KCNMB2: variants seen among roughly 807,000 people sequenced by gnomAD.
KCNMB2 encodes the protein potassium calcium-activated channel subfamily M regulatory beta subunit 2.
KCNMB2 carries 9 observed loss-of-function variants against 24.5 expected under a neutral mutation model. The ratio of observed to expected loss-of-function variants is 0.37; its 90% CI spans 0.22 to 0.64. KCNMB2 has a LOEUF of 0.64. Ranked by LOEUF, KCNMB2 falls within the 30% of genes least tolerant of loss-of-function variation. The pLI is 0.63. For synonymous variants in KCNMB2, 109 were observed against 104.4 expected (o/e 1.04, Z -0.27); for missense variants, 226 against 284.3 (o/e 0.79, Z 1.47).
At position 178,663,276 on chromosome 3, in the gene KCNMB2, CA is replaced by C. The variant is rs370821512; in HGVS notation, c.-68+126567del. On this transcript the variant is annotated intron_variant, in intron 1 of 4. Transcript: ENST00000452583. ...TAGGGTTAATGTGGAGAGAGCTCAACAAGGGTATACATACAATAGGCATGAT... is the reference window on the plus strand; with the variant it reads ...TAGGGTTAATGTGGAGAGAGCTCAACAGGGTATACATACAATAGGCATGAT... 2.6e-4 allele frequency among the ~76,000 whole-genome samples: 39 copies of C among 152,196 alleles called. 1 individual carries two copies. In the South Asian group the frequency reaches 7.9e-3, roughly 31 times the overall value.
intron 2 of KCNMB2, among the ~76,000 whole-genome samples, chr3:178,815,083 T>C (rs898300426): frequency 2.0e-5 from 3 of 152,294 alleles, no homozygotes; most frequent in African/African-American, 7.2e-5. Flanking sequence ...AAAAAGGCAA[T>C]TGACTATTGC....
chr3:178,778,300 T>C (rs953967797), intron 1 of KCNMB2, among the ~76,000 whole-genome samples: 1 of 152,142 alleles, frequency 6.6e-6, no homozygotes, highest in Non-Finnish European at 1.5e-5. Flanking sequence ...GAATTCCTAC[T>C]ATGTACCAAT....
intron 1 of KCNMB2, chr3:178,795,058 T>C (rs1465848061): frequency 6.6e-6 from 1 of 152,210 alleles, no homozygotes; most frequent in Admixed American, 6.5e-5. Flanking sequence ...CCTGAACTGA[T>C]TACATATTTG....
intron 1 of KCNMB2, among the ~76,000 whole-genome samples, chr3:178,758,165 G>GAT (rs375000460): frequency 0.056 from 210 of 3,774 alleles, 50 homozygotes; most frequent in African/African-American, 0.15. Flanking sequence ...TATCCAAGAG[G>GAT]ATATATATAT....
chr3:178,771,222 T>C (rs150933100), intron 1 of KCNMB2, among the ~76,000 whole-genome samples: 4 of 152,178 alleles, frequency 2.6e-5, no homozygotes, highest in African/African-American at 4.8e-5. Context: ...CACAAGCCCA[T>C]CATCTCTGTC....
intron 1 of KCNMB2, among the ~76,000 whole-genome samples, chr3:178,790,726 A>G (rs1029508401): frequency 6.6e-6 from 1 of 152,056 alleles, no homozygotes; most frequent in Non-Finnish European, 1.5e-5. Context: ...TGCTTGTGTC[A>G]CCCCTCCAAC....
intron 1 of KCNMB2, among the ~76,000 whole-genome samples, chr3:178,700,210 C>A (rs1006085186): frequency 6.6e-6 from 1 of 152,142 alleles, no homozygotes; most frequent in African/African-American, 2.4e-5. Flanking sequence ...ATATTAATGC[C>A]CATGTTAGTT....
chr3:178,671,090 C>A (rs1720882368), intron 1 of KCNMB2, among the ~76,000 whole-genome samples: 1 of 146,168 alleles, frequency 6.8e-6, no homozygotes, highest in Admixed American at 6.8e-5. Flanking sequence ...ACCACTGCCC[C>A]CCTCACCACC....
At chr3:178,828,035 G>T (rs749773921) in intron 3 of KCNMB2, 143 bp from the exon 4 acceptor site, 4 of 643,952 alleles carry the variant, frequency 6.2e-6, no homozygotes, top group Non-Finnish European at 1.1e-5. Flanking sequence ...CTATTCGAAG[G>T]CCTAAACTTT....
At chr3:178,587,909 G>T (rs1460115288) in intron 1 of KCNMB2, among the ~76,000 whole-genome samples, 3 of 110,944 alleles carry the variant, frequency 2.7e-5, no homozygotes, top group East Asian at 2.6e-4. Context: ...CCCACAACAG[G>T]CCCCGGTGTG....
chr3:178,818,323 C>T (rs1485249853), intron 2 of KCNMB2, among the ~76,000 whole-genome samples: 1 of 152,154 alleles, frequency 6.6e-6, no homozygotes, highest in African/African-American at 2.4e-5. Flanking sequence ...AGGTTTGTTA[C>T]ACAGGTAAAC....
intron 1 of KCNMB2, among the ~76,000 whole-genome samples, chr3:178,720,140 C>A (rs928195869): frequency 6.6e-6 from 1 of 152,084 alleles, no homozygotes; most frequent in Middle Eastern, 3.2e-3. Context: ...CTCCACCCAC[C>A]CCACAACAGG....
intron 1 of KCNMB2, among the ~76,000 whole-genome samples, chr3:178,659,406 C>A (rs1171846764): frequency 6.6e-6 from 1 of 152,198 alleles, no homozygotes; most frequent in Admixed American, 6.5e-5. Flanking sequence ...TCTTTAAAAC[C>A]ATAATTTTAA....
At chr3:178,770,545 A>C (rs913835121) in intron 1 of KCNMB2, among the ~76,000 whole-genome samples, 9 of 152,202 alleles carry the variant, frequency 5.9e-5, no homozygotes, top group African/African-American at 2.2e-4. Context: ...AAGTGTCATA[A>C]ATTTTTAGGG....
intron 1 of KCNMB2, among the ~76,000 whole-genome samples, chr3:178,676,518 C>T (rs1450305962): frequency 6.6e-6 from 1 of 152,208 alleles, no homozygotes; most frequent in East Asian, 1.9e-4. Context: ...TCTCCAAGCA[C>T]ACCTTAGTGG....
At chr3:178,565,418 G>A (rs13315652) in intron 1 of KCNMB2, among the ~76,000 whole-genome samples, 1,774 of 152,252 alleles carry the variant, frequency 0.012, 35 homozygotes, top group African/African-American at 0.04. Flanking sequence ...TGTCTAGAGT[G>A]GAAAATGATA....
chr3:178,763,890 C>A (rs1397069649), intron 1 of KCNMB2, among the ~76,000 whole-genome samples: 1 of 152,094 alleles, frequency 6.6e-6, no homozygotes, highest in Admixed American at 6.5e-5. Flanking sequence ...CTAACAATAA[C>A]TAAGTTAACA....
chr3:178,758,371 TCTCCAAGAGGGGATAC>T (rs1384614650), intron 1 of KCNMB2, among the ~76,000 whole-genome samples: 8 of 18,882 alleles, frequency 4.2e-4, no homozygotes, highest in African/African-American at 3.1e-3. Context: ...TATATATATA[TCTCCAAGAGGGGATAC>T]ATATATATAT....
chr3:178,719,100 C>T (rs1187873614), intron 1 of KCNMB2, among the ~76,000 whole-genome samples: 1 of 152,214 alleles, frequency 6.6e-6, no homozygotes, highest in Non-Finnish European at 1.5e-5. Context: ...TTGATTAAGG[C>T]TGCTTATAGA....
Sources: allele counts gnomAD v4.1 joint callset (sites outside exome capture counted in the v4.1 genomes callset), GRCh38; gene constraint gnomAD v4.1.1; transcripts MANE v1.5; gene names NCBI Gene and HGNC (gene_info 2026-07-23, HGNC 2026-07-21).